The following GALNT13 variants were observed in gnomAD, a reference collection of about 807,000 sequenced individuals.
GALNT13 encodes UDP-GalNAc:polypeptide N-acetylgalactosaminyltransferase 13.
A neutral mutation model predicts 64.2 loss-of-function variants in GALNT13; 28 were observed. That is an observed-to-expected ratio of 0.44 (90% CI 0.32 to 0.60). The LOEUF is 0.60. Among genes scored for constraint, GALNT13 ranks in the 20% least tolerant of loss-of-function variants. GALNT13 has a pLI of 0.05. For synonymous variants in GALNT13, 214 were observed against 224.6 expected, an observed-to-expected ratio of 0.95 and a Z score of 0.42; for missense variants, 577 against 669.8, an observed-to-expected ratio of 0.86 and a Z score of 1.53.
the GALNT13 span, among the ~76,000 whole-genome samples, chr2:153,365,089 A>G: frequency 6.6e-6 from 1 of 152,174 alleles, no homozygotes; most frequent in African/African-American, 2.4e-5. Context: ...ATAACACCAC[A>G]CATCTACAAC....
the GALNT13 span, among the ~76,000 whole-genome samples, chr2:153,614,268 C>A: frequency 6.6e-6 from 1 of 151,934 alleles, no homozygotes; most frequent in Non-Finnish European, 1.5e-5. Flanking sequence ...TTATACAATA[C>A]TTACCTTATA....
At chr2:154,445,735 G>T in intron 12 of GALNT13, 1 of 1,018,526 alleles carries the variant, frequency 9.8e-7, no homozygotes, top group Non-Finnish European at 1.3e-6. Context: ...CTGCCTGAGA[G>T]AAGTAGCTTA....
chr2:153,250,795 C>T, the GALNT13 span, among the ~76,000 whole-genome samples: 3 of 151,992 alleles, frequency 2.0e-5, no homozygotes, highest in Admixed American at 6.6e-5. Context: ...AAACCAAACA[C>T]CGCATGTTCT....
the GALNT13 span, among the ~76,000 whole-genome samples, chr2:153,440,630 A>G: frequency 6.6e-6 from 1 of 152,128 alleles, no homozygotes; most frequent in Non-Finnish European, 1.5e-5. Flanking sequence ...CTAACTTTTT[A>G]ATGATCGCCA....
At chr2:153,966,239 T>C (rs963124379) in intron 3 of GALNT13, among the ~76,000 whole-genome samples, 1 of 147,212 alleles carries the variant, frequency 6.8e-6, no homozygotes, top group Non-Finnish European at 1.5e-5. Flanking sequence ...TTTTTTTTTT[T>C]ACTTTAGCAT....
At chr2:153,307,985 A>G in the GALNT13 span, among the ~76,000 whole-genome samples, 1 of 152,174 alleles carries the variant, frequency 6.6e-6, no homozygotes, top group Non-Finnish European at 1.5e-5. Context: ...ACAAGAAAAA[A>G]CACTAGATAT....
the GALNT13 span, among the ~76,000 whole-genome samples, chr2:153,649,232 A>AT: frequency 1.3e-5 from 2 of 151,942 alleles, no homozygotes; most frequent in Non-Finnish European, 2.9e-5. Flanking sequence ...TTTCTTCTAG[A>AT]TTTTCTAGTT....
At chr2:153,790,120 G>C in the GALNT13 span, among the ~76,000 whole-genome samples, 396 of 152,098 alleles carry the variant, frequency 2.6e-3, 1 homozygote, top group Non-Finnish European at 4.4e-3. Flanking sequence ...CCCTGGCAGA[G>C]ACAAAACAAA....
At chr2:154,128,528 A>G (rs1367931727) in intron 3 of GALNT13, among the ~76,000 whole-genome samples, 16 of 152,160 alleles carry the variant, frequency 1.1e-4, no homozygotes, top group Non-Finnish European at 7.4e-5. Context: ...TAAATTAATA[A>G]TGAACAGCAA....
chr2:153,779,446 C>T, the GALNT13 span, among the ~76,000 whole-genome samples: 1 of 152,090 alleles, frequency 6.6e-6, no homozygotes, highest in African/African-American at 2.4e-5. Flanking sequence ...TGGTTTAATT[C>T]TTAAAGTGCA....
the GALNT13 span, among the ~76,000 whole-genome samples, chr2:153,484,912 T>A: frequency 6.6e-6 from 1 of 152,242 alleles, no homozygotes; most frequent in African/African-American, 2.4e-5. Context: ...CCTGGGTCTA[T>A]CTACTGAGAT....
chr2:153,974,875 A>G (rs1693977929), intron 3 of GALNT13, among the ~76,000 whole-genome samples: 1 of 152,140 alleles, frequency 6.6e-6, no homozygotes, highest in East Asian at 1.9e-4. Flanking sequence ...CAGTCTCCCT[A>G]TGTCTTTGTG....
the GALNT13 span, among the ~76,000 whole-genome samples, chr2:153,076,433 A>G: frequency 8.5e-5 from 13 of 152,070 alleles, no homozygotes; most frequent in African/African-American, 3.1e-4. Flanking sequence ...AGGTTGTTCA[A>G]TGTTTCTGTG....
At chr2:153,974,431 G>A (rs1693945442) in intron 3 of GALNT13, among the ~76,000 whole-genome samples, 1 of 151,972 alleles carries the variant, frequency 6.6e-6, no homozygotes, top group South Asian at 2.1e-4. Flanking sequence ...TAAGAATAAT[G>A]ACCACATGGA....
At chr2:153,292,917 C>T in the GALNT13 span, among the ~76,000 whole-genome samples, 6 of 152,000 alleles carry the variant, frequency 3.9e-5, no homozygotes, top group Admixed American at 3.9e-4. Flanking sequence ...TTATGCTTAC[C>T]ACCTACATAT....
chr2:154,157,299 A>G (rs1684477484), intron 4 of GALNT13, among the ~76,000 whole-genome samples: 1 of 152,172 alleles, frequency 6.6e-6, no homozygotes, highest in African/African-American at 2.4e-5. Flanking sequence ...CCATGTTTCC[A>G]GTTACAACCA....
intron 2 of GALNT13, among the ~76,000 whole-genome samples, chr2:153,935,150 G>A (rs2105365008): frequency 6.6e-6 from 1 of 152,322 alleles, no homozygotes; most frequent in South Asian, 2.1e-4. Flanking sequence ...CTCAGTCACT[G>A]TAAATAAGTC....
intron 4 of GALNT13, among the ~76,000 whole-genome samples, chr2:154,162,182 G>A (rs554143035): frequency 3.9e-5 from 6 of 152,294 alleles, no homozygotes; most frequent in Non-Finnish European, 7.3e-5. Flanking sequence ...GAAACAGAAT[G>A]TCATTACACT....
chr2:153,480,013 C>G, the GALNT13 span, among the ~76,000 whole-genome samples: 3 of 152,220 alleles, frequency 2.0e-5, no homozygotes, highest in East Asian at 5.8e-4. Flanking sequence ...AATACATTTA[C>G]TTTCTATTAA....
Sources: gnomAD v4.1 joint callset for allele counts (sites outside exome capture counted in the v4.1 genomes callset) on GRCh38, gnomAD v4.1.1 for gene constraint, MANE v1.5 for transcripts, NCBI Gene and HGNC (gene_info 2026-07-23, HGNC 2026-07-21) for gene names.